Variants in NPC1 observed in about 807,000 individuals in gnomAD.
NPC1 encodes NPC intracellular cholesterol transporter 1.
Under a neutral mutation model 140.4 loss-of-function variants are expected in NPC1, and 85 were observed. That is an observed-to-expected ratio of 0.61 (90% CI 0.51 to 0.72). NPC1 has a LOEUF of 0.72. Among genes scored for constraint, NPC1 ranks in the 30% least tolerant of loss-of-function variants. The pLI is 0.00. For missense variants in NPC1, 1,504 were observed against 1,623.8 expected (o/e 0.93, Z 1.27); for synonymous variants, 656 against 624.8 (o/e 1.05, Z -0.74).
intron 1 of NPC1, chr18:23,576,373 GAT>G: frequency 3.6e-6 from 2 of 558,320 alleles, no homozygotes; most frequent in Non-Finnish European, 4.5e-6. Flanking sequence ...AGTGAGCTGA[GAT>G]AGCACCTCTG....
At chr18:23,544,273 G>A (rs1457071557) in intron 13 of NPC1, 71 bp downstream of exon 13, 1 of 1,444,060 alleles carries the variant, frequency 6.9e-7, no homozygotes, top group South Asian at 1.2e-5. Flanking sequence ...CACGAATGCG[G>A]AGCCCAGGAG....
At position 23,533,534 on chromosome 18, in the gene NPC1, T is replaced by C; in HGVS notation, c.3592-17A>G. ...ACTGAACACCTAAAAGAAGAGATAC[T>C]GTGTTAGAAACCACTTTTACCAACC... On this transcript the variant is annotated splice_polypyrimidine_tract_variant and intron_variant, in intron 23 of 24. Coordinates refer to ENST00000269228, the MANE Select transcript of NPC1 (RefSeq NM_000271.5). 2 of 1,613,660 alleles carry C rather than the reference T, an allele frequency of 1.2e-6. No homozygotes were observed. Among genetic ancestry groups the C allele is most frequent in the African/African-American group, 1.3e-5 (1 of 75,070 alleles).
chr18:23,544,508 G>A lies in NPC1; in HGVS notation c.1966C>T (p.Leu656=). ...ACGATCAAGATGCCCGCGATGCCTAGTGAGACCTTCGAATCCACCTGAGAG... is the reference window on the plus strand; with the variant it reads ...ACGATCAAGATGCCCGCGATGCCTAATGAGACCTTCGAATCCACCTGAGAG... The part of the protein sequence containing the change: ...RRLLVDSKVS[L]GIAGILIVLS... The change falls in exon 13 of 25, where the codon CTA becomes TTA. Residue 656 remains leucine, a synonymous_variant. Transcript: ENST00000269228. 6.2e-7 allele frequency: 1 copy of A among 1,614,202 alleles called. No homozygotes were observed. Among genetic ancestry groups the A allele is most frequent in the Non-Finnish European group, 8.5e-7 (1 of 1,180,034 alleles).
In NPC1 at chr18:23,543,566, C is replaced by T. The variant is rs776682510; in HGVS notation, c.2134G>A (p.Asp712Asn). Residue 712 changes from aspartate (D) to asparagine (N), a missense_variant, in exon 14 of 25, where the codon GAT becomes AAT. Transcript: ENST00000269228. The stretch of plus-strand genomic sequence containing the variant: ...AGGGTTTCCCCTTGAAGACGTTCAT[C>T]TCTCTTAAAAAAAAAAAAAAAAAAT... ...IFILVQAYQR[D>N]ERLQGETLDQ... is the part of the protein sequence containing the mutation. The T allele has an allele frequency of 2.1e-6, 3 of 1,418,766 alleles. No homozygotes were observed. Among genetic ancestry groups the T allele is most frequent in the Non-Finnish European group, 1.9e-6 (2 of 1,043,726 alleles). The allele number at this position is 1,418,766 out of a possible 1,614,324, so 87.9% of individuals were successfully genotyped here.
downstream of NPC1, among the ~76,000 whole-genome samples, chr18:23,517,475 A>C (rs1351416348): frequency 6.6e-6 from 1 of 152,082 alleles, no homozygotes; most frequent in East Asian, 1.9e-4. Context: ...CATTTGAAAA[A>C]GTGGATATCT....
At chr18:23,513,097 G>T (rs2057906749) in intron 3 of NPC1, among the ~76,000 whole-genome samples, 1 of 152,140 alleles carries the variant, frequency 6.6e-6, no homozygotes, top group African/African-American at 2.4e-5. Context: ...GGGATTACAG[G>T]TGTGCGCCAC....
chr18:23,533,523 A>C lies in NPC1; in HGVS notation c.3592-6T>G. Reference sequence around the variant, plus strand: ...AGTGTGATTCCACTGAACACCTAAAAGAAGAGATACTGTGTTAGAAACCAC... The same window carrying C: ...AGTGTGATTCCACTGAACACCTAAACGAAGAGATACTGTGTTAGAAACCAC... On this transcript the variant is annotated splice_region_variant and splice_polypyrimidine_tract_variant and intron_variant, in intron 23 of 24. Transcript: ENST00000269228. The C allele has an allele frequency of 6.2e-7, 1 of 1,614,042 alleles. No individual in the cohort carries two copies. Among genetic ancestry groups the C allele is most frequent in the Non-Finnish European group, 8.5e-7 (1 of 1,179,870 alleles).
At chr18:23,575,460 G>C (rs1238359250) in intron 1 of NPC1, among the ~76,000 whole-genome samples, 1 of 152,000 alleles carries the variant, frequency 6.6e-6, no homozygotes, top group South Asian at 2.1e-4. Flanking sequence ...CCTGGAGCAG[G>C]TTACGTAACC....
At chr18:23,575,444 A>G (rs1355965648) in intron 1 of NPC1, among the ~76,000 whole-genome samples, 3 of 152,170 alleles carry the variant, frequency 2.0e-5, no homozygotes, top group Admixed American at 2.0e-4. Flanking sequence ...TGCACCTGGG[A>G]TCACACCTGG....
intron 4 of NPC1, 31 bp downstream of exon 4, chr18:23,568,792 G>A: frequency 1.9e-6 from 3 of 1,582,318 alleles, no homozygotes; most frequent in African/African-American, 1.3e-5. Context: ...GATGCCAGCT[G>A]TAAAAGAGGA....
intron 10 of NPC1, 61 bp from the exon 11 acceptor site, chr18:23,548,169 T>C: frequency 2.1e-6 from 2 of 941,046 alleles, no homozygotes; most frequent in East Asian, 2.4e-5. Context: ...ATTAGACACA[T>C]ACCAGGGGAA....
At chr18:23,520,168 A>G, downstream of NPC1, 3 of 1,531,902 alleles carry the variant, frequency 2.0e-6, no homozygotes, top group Non-Finnish European at 2.7e-6. Context: ...ACCATGATTG[A>G]TTTTGGCCTC....
At chr18:23,536,454 A>T (rs1433902004) in intron 21 of NPC1, among the ~76,000 whole-genome samples, 1 of 152,132 alleles carries the variant, frequency 6.6e-6, no homozygotes, top group Admixed American at 6.5e-5. Flanking sequence ...CGCAGAGATC[A>T]AGTTTTGCGT....
chr18:23,569,761 A>G (rs73967121), intron 3 of NPC1, among the ~76,000 whole-genome samples: 1,591 of 152,308 alleles, frequency 0.01, 27 homozygotes, highest in African/African-American at 0.037. Context: ...TGGTTTGTAA[A>G]GATAGAGAAC....
chr18:23,530,764 T>TA (rs553717488), downstream of NPC1: 136 of 698,704 alleles, frequency 1.9e-4, 1 homozygote, highest in African/African-American at 2.1e-3. Flanking sequence ...TTATTTGTAG[T>TA]AGAGTGAATT....
intron 3 of NPC1, chr18:23,507,066 C>T: frequency 6.5e-7 from 1 of 1,541,966 alleles, no homozygotes. Flanking sequence ...TAAGACTTAT[C>T]TTTAAAATAC....
intron 4 of NPC1, 61 bp from the exon 5 acceptor site, chr18:23,561,588 G>A (rs953849166): frequency 6.5e-5 from 102 of 1,570,322 alleles, no homozygotes; most frequent in Admixed American, 1.2e-4. Flanking sequence ...CACGAGGCAA[G>A]ATCTTACAAA....
chr18:23,548,109 C>T lies in NPC1; in HGVS notation c.1655-1G>A. ...GCAGTGGCGTTATTGTAGTTTTGATCTAGAAAGGAAAAATGTGACATCAAA... is the reference window on the plus strand; with the variant it reads ...GCAGTGGCGTTATTGTAGTTTTGATTTAGAAAGGAAAAATGTGACATCAAA... On this transcript the variant is annotated splice_acceptor_variant, in intron 10 of 24. Transcript: ENST00000269228. LOFTEE classifies it high-confidence loss of function. The T allele has an allele frequency of 6.3e-7, 1 of 1,582,400 alleles. No homozygotes were observed. The highest frequency in any genetic ancestry group is 8.7e-7 in the Non-Finnish European group (1 of 1,151,742).
intron 3 of NPC1, chr18:23,516,189 G>A: frequency 3.0e-6 from 4 of 1,320,754 alleles, no homozygotes; most frequent in Non-Finnish European, 4.3e-6. Context: ...CAGGCTGTGA[G>A]AGGACATGGG....
Sources: gnomAD v4.1 joint callset for allele counts (sites outside exome capture counted in the v4.1 genomes callset) on GRCh38, gnomAD v4.1.1 for gene constraint, MANE v1.5 for transcripts, NCBI Gene and HGNC (gene_info 2026-07-23, HGNC 2026-07-21) for gene names.